The following PLEKHA7 variants were observed in gnomAD, a reference collection of about 807,000 sequenced individuals.
PLEKHA7 encodes the protein pleckstrin homology domain containing A7.
Under a neutral mutation model 170.0 loss-of-function variants are expected in PLEKHA7, and 104 were observed. The observed-to-expected ratio is 0.61, with a 90% CI of 0.52 to 0.72. PLEKHA7 has a LOEUF of 0.72. Among genes scored for constraint, PLEKHA7 ranks in the 30% least tolerant of loss-of-function variants. PLEKHA7 has a pLI of 0.00. For synonymous variants in PLEKHA7, 648 were observed against 660.8 expected, an observed-to-expected ratio of 0.98 and a Z score of 0.30; for missense variants, 1,615 against 1,671.7, an observed-to-expected ratio of 0.97 and a Z score of 0.59.
intron 26 of PLEKHA7, chr11:16,781,067 C>A: frequency 2.1e-6 from 2 of 966,442 alleles, no homozygotes; most frequent in Non-Finnish European, 2.5e-6. Context: ...ATGGGGCACA[C>A]AGGAATTAAG....
intron 3 of PLEKHA7, among the ~76,000 whole-genome samples, chr11:16,976,646 C>T (rs1863083652): frequency 6.6e-6 from 1 of 152,218 alleles, no homozygotes; most frequent in Admixed American, 6.5e-5. Flanking sequence ...CAAGATCTGT[C>T]CCAGACCCTC....
chr11:17,012,032 CCTGTCTA>C (rs1472454708), intron 3 of PLEKHA7, among the ~76,000 whole-genome samples: 3 of 152,172 alleles, frequency 2.0e-5, no homozygotes, highest in Non-Finnish European at 4.4e-5. Flanking sequence ...ACCACTACTC[CCTGTCTA>C]CTGTGCTACC....
chr11:16,804,322 G>A (rs1848801600), intron 13 of PLEKHA7, among the ~76,000 whole-genome samples: 1 of 152,216 alleles, frequency 6.6e-6, no homozygotes, highest in African/African-American at 2.4e-5. Flanking sequence ...TATGCAGAGA[G>A]GTCCCAATGT....
At chr11:16,808,108 C>G (rs1048907760) in intron 13 of PLEKHA7, among the ~76,000 whole-genome samples, 1 of 152,192 alleles carries the variant, frequency 6.6e-6, no homozygotes, top group African/African-American at 2.4e-5. Flanking sequence ...CTGACACTTT[C>G]GGTCTGAGGA....
At chr11:16,809,728 G>A (rs910406435) in intron 13 of PLEKHA7, among the ~76,000 whole-genome samples, 14 of 152,210 alleles carry the variant, frequency 9.2e-5, no homozygotes, top group African/African-American at 3.4e-4. Context: ...ACCACCACCT[G>A]AGGTGGCCCT....
chr11:16,962,942 A>C (rs1345986733), intron 3 of PLEKHA7, among the ~76,000 whole-genome samples: 1 of 152,244 alleles, frequency 6.6e-6, no homozygotes. Flanking sequence ...TGGAGCTCTG[A>C]GTTAAAGATA....
intron 3 of PLEKHA7, among the ~76,000 whole-genome samples, chr11:17,009,857 G>C (rs894981449): frequency 6.6e-6 from 1 of 151,982 alleles, no homozygotes; most frequent in African/African-American, 2.4e-5. Context: ...TTGAACTCCT[G>C]GCCTCAAGTG....
chr11:16,962,692 C>T (rs1862139535), intron 3 of PLEKHA7, among the ~76,000 whole-genome samples: 1 of 152,166 alleles, frequency 6.6e-6, no homozygotes, highest in Non-Finnish European at 1.5e-5. Context: ...AACTCCTGAC[C>T]TCAAGTGATC....
chr11:16,844,405 T>A (rs973345577), intron 8 of PLEKHA7, among the ~76,000 whole-genome samples: 1 of 152,204 alleles, frequency 6.6e-6, no homozygotes, highest in Non-Finnish European at 1.5e-5. Flanking sequence ...TCTGCCTGTG[T>A]GAGAGCATAT....
chr11:16,827,008 T>G (rs1564971589), intron 9 of PLEKHA7, among the ~76,000 whole-genome samples: 1 of 152,204 alleles, frequency 6.6e-6, no homozygotes, highest in Non-Finnish European at 1.5e-5. Flanking sequence ...CAAGAGAGAA[T>G]GAATAAATTA....
intron 6 of PLEKHA7, 135 bp from the exon 7 acceptor site, chr11:16,852,490 A>C: frequency 1.6e-6 from 1 of 610,674 alleles, no homozygotes; most frequent in Non-Finnish European, 2.8e-6. Context: ...CATTTTACTG[A>C]ACAGCCATTC....
chr11:16,960,434 G>T (rs1055900310), intron 3 of PLEKHA7, among the ~76,000 whole-genome samples: 3 of 152,116 alleles, frequency 2.0e-5, no homozygotes, highest in African/African-American at 7.2e-5. Flanking sequence ...GCTCTGAGTT[G>T]GGGGGCAGGG....
intron 3 of PLEKHA7, among the ~76,000 whole-genome samples, chr11:16,877,511 T>G (rs1855392421): frequency 6.6e-6 from 1 of 152,240 alleles, no homozygotes; most frequent in African/African-American, 2.4e-5. Flanking sequence ...ATTGCTCACT[T>G]AATGCAAAGC....
At chr11:17,010,550 G>A (rs1306314750) in intron 3 of PLEKHA7, among the ~76,000 whole-genome samples, 1 of 152,194 alleles carries the variant, frequency 6.6e-6, no homozygotes, top group African/African-American at 2.4e-5. Context: ...AGGCTGCAGT[G>A]AGCTATGATT....
intron 3 of PLEKHA7, among the ~76,000 whole-genome samples, chr11:16,876,085 C>T (rs182650371): frequency 2.6e-5 from 4 of 152,286 alleles, no homozygotes; most frequent in Admixed American, 2.6e-4. Context: ...GCAAAGTCCT[C>T]TGGCTTTACT....
At chr11:16,834,008 GTTTGT>G (rs1307910092) in intron 9 of PLEKHA7, among the ~76,000 whole-genome samples, 1 of 139,884 alleles carries the variant, frequency 7.1e-6, no homozygotes, top group Non-Finnish European at 1.6e-5. Flanking sequence ...TTTTTTGTTT[GTTTGT>G]TTTGTTTTGT....
intron 3 of PLEKHA7, chr11:16,881,190 C>T (rs965441220): frequency 1.3e-5 from 2 of 152,200 alleles, no homozygotes; most frequent in Admixed American, 1.3e-4. Flanking sequence ...TTTCATGAAT[C>T]AGAATATACC....
chr11:16,789,067 GC>G lies in PLEKHA7; in HGVS notation c.3357+28del, dbSNP rs1849602840. ...GAGGGGCACTCGGCTCCCTGTCCCTGCCCCGCTGCCTGGCCCCTCCTAACAT... is the reference window on the plus strand; with the variant it reads ...GAGGGGCACTCGGCTCCCTGTCCCTGCCCGCTGCCTGGCCCCTCCTAACAT... On this transcript the variant is annotated intron_variant, in intron 23 of 26. Coordinates refer to ENST00000531066, the MANE Select transcript of PLEKHA7 (RefSeq NM_001329630.2). This position sits in a 1 kb window ranked among gnomAD's most constrained non-coding sequence, Gnocchi z 4.6. 1 of 1,591,370 alleles carries G rather than the reference GC, an allele frequency of 6.3e-7. No homozygotes were observed. The highest frequency in any genetic ancestry group is 1.7e-5 in the Admixed American group (1 of 58,846).
At chr11:16,915,975 A>T (rs1858638112) in intron 3 of PLEKHA7, among the ~76,000 whole-genome samples, 1 of 149,264 alleles carries the variant, frequency 6.7e-6, no homozygotes, top group African/African-American at 2.5e-5. Flanking sequence ...TTACAGTCCC[A>T]CCAACAGTGT....
Sources: gnomAD v4.1 joint callset for allele counts (sites outside exome capture counted in the v4.1 genomes callset) on GRCh38, gnomAD v4.1.1 for gene constraint, Gnocchi (gnomAD v3.1) non-coding constraint, MANE v1.5 for transcripts, NCBI Gene and HGNC (gene_info 2026-07-23, HGNC 2026-07-21) for gene names.